NSD3: variants seen among roughly 807,000 people sequenced by gnomAD.
The protein encoded by NSD3 is nuclear receptor binding SET domain protein 3.
In NSD3, 24 loss-of-function variants were observed where a neutral mutation model predicts 160.8. The ratio of observed to expected loss-of-function variants is 0.15; its 90% CI spans 0.11 to 0.21. The LOEUF (loss-of-function observed/expected upper bound fraction) is 0.21, where lower values mean the gene tolerates loss of function less well. NSD3 is among the 10% of genes least tolerant of loss of function. NSD3 has a pLI of 1.00. For missense variants in NSD3, 1,157 were observed against 1,735.9 expected (o/e 0.67, Z 5.93); for synonymous variants, 520 against 600.0 (o/e 0.87, Z 1.95).
chr8:38,365,342 C>G (rs909815349), intron 1 of NSD3, among the ~76,000 whole-genome samples: 1 of 152,080 alleles, frequency 6.6e-6, no homozygotes, highest in Admixed American at 6.6e-5. Context: ...TAACTATGTA[C>G]CAGACCCTGT....
chr8:38,353,612 C>G (rs764796512), intron 1 of NSD3, among the ~76,000 whole-genome samples: 1 of 152,122 alleles, frequency 6.6e-6, no homozygotes, highest in Non-Finnish European at 1.5e-5. Flanking sequence ...TTCCTGTCTT[C>G]TCTAGCCCTA....
In NSD3 at chr8:38,316,894, C is replaced by T; in HGVS notation, c.1856-852G>A. 1 of 1,062,820 alleles carries T rather than the reference C, an allele frequency of 9.4e-7. No individual in the cohort carries two copies. Among genetic ancestry groups the T allele is most frequent in the South Asian group, 4.6e-5 (1 of 21,954 alleles). 65.8% of individuals were successfully genotyped at this position (1,062,820 alleles called of 1,614,324 possible). A position where few individuals can be genotyped will look rare whatever the true frequency, so the allele number is the denominator to read the frequency against. ...AAAGCAACAATCTCTTGGGCTAATG[C>T]AGTATAGGCTATACAGAAACAGCCA... On this transcript the variant is annotated intron_variant, in intron 9 of 23. Coordinates refer to ENST00000317025, the MANE Select transcript of NSD3 (RefSeq NM_023034.2). The surrounding 1 kb of genome is among the most constrained non-coding windows in gnomAD (Gnocchi z 4.5).
intron 3 of NSD3, among the ~76,000 whole-genome samples, chr8:38,337,929 T>C (rs936193721): frequency 2.6e-5 from 4 of 152,228 alleles, no homozygotes; most frequent in Middle Eastern, 3.4e-3. Flanking sequence ...GGAGGAAAAA[T>C]ATTAATAAGC....
intron 2 of NSD3, among the ~76,000 whole-genome samples, chr8:38,346,960 T>C (rs955441516): frequency 1.3e-5 from 2 of 152,152 alleles, no homozygotes; most frequent in Non-Finnish European, 2.9e-5. Context: ...TATTAAAAAA[T>C]TCAGCAGCAT....
At chr8:38,345,823 T>C (rs62503955) in intron 2 of NSD3, among the ~76,000 whole-genome samples, 2 of 151,652 alleles carry the variant, frequency 1.3e-5, no homozygotes, top group Non-Finnish European at 2.9e-5. Context: ...GCAGGAGAAT[T>C]GCTTGAACCC....
At chr8:38,342,684 C>T (rs1356632123) in intron 2 of NSD3, among the ~76,000 whole-genome samples, 1 of 151,850 alleles carries the variant, frequency 6.6e-6, no homozygotes, top group Non-Finnish European at 1.5e-5. Context: ...TCTCCTGCCT[C>T]AGCCTCCCAA....
chr8:38,376,695 G>A (rs1248495653), intron 1 of NSD3, among the ~76,000 whole-genome samples: 3 of 151,988 alleles, frequency 2.0e-5, no homozygotes, highest in African/African-American at 7.2e-5. Flanking sequence ...CCTTGGCCCC[G>A]CAAAGTGCTG....
rs1335088095 is a variant in NSD3 at position 38,271,207 on chromosome 8, G to A, written c.*4434C>T. ...TTGCAGAACTTCACCTTTAATCCAC[G>A]CTAAAGAGGATAAGAGACTAGGCTA... On this transcript the variant is annotated 3_prime_UTR_variant, in exon 24 of 24. Coordinates refer to ENST00000317025, the MANE Select transcript of NSD3 (RefSeq NM_023034.2). The A allele has an allele frequency of 6.6e-6, 1 of 152,084 alleles. No individual in the cohort carries two copies. Among genetic ancestry groups the A allele is most frequent in the East Asian group, 1.9e-4 (1 of 5,188 alleles). 9.4% of individuals were successfully genotyped at this position (152,084 alleles called of 1,614,324 possible). A position where few individuals can be genotyped will look rare whatever the true frequency, so the allele number is the denominator to read the frequency against.
At chr8:38,291,168 C>T (rs942886999) in intron 16 of NSD3, among the ~76,000 whole-genome samples, 19 of 152,202 alleles carry the variant, frequency 1.2e-4, no homozygotes, top group African/African-American at 4.6e-4. Context: ...GCAAACACCT[C>T]TTGGTCAAAT....
rs1195062883 is a variant in NSD3 at position 38,331,320 on chromosome 8, G to T, written c.1065+111C>A. ...ATTACGATTAAAACAGCTGAAAGGG[G>T]TTTAAAAAAAGGATTCTAATAATTA... On this transcript the variant is annotated intron_variant, in intron 5 of 23. Transcript: ENST00000317025. The T allele has an allele frequency of 7.9e-6, 10 of 1,268,360 alleles. No homozygotes were observed. In the African/African-American group the frequency reaches 1.2e-4, roughly 15 times the overall value. 78.6% of individuals were successfully genotyped at this position (1,268,360 alleles called of 1,614,324 possible).
Position 38,337,375 on chromosome 8 carries a change from G to C in NSD3, c.840C>G (p.Thr280=). ...AAACCATACAAGGCCACCAAGGATAGGTTCCCACCTTGGACCACACAAGAT... is the reference window on the plus strand; with the variant it reads ...AAACCATACAAGGCCACCAAGGATACGTTCCCACCTTGGACCACACAAGAT... ...VGDLVWSKVG[T]YPWWPCMVSS... The change falls in exon 4 of 24, where the codon ACC becomes ACG. Residue 280 remains threonine, a synonymous_variant. Transcript: ENST00000317025. 6.2e-7 allele frequency: 1 copy of C among 1,612,290 alleles called. No individual in the cohort carries two copies. The highest frequency in any genetic ancestry group is 8.5e-7 in the Non-Finnish European group (1 of 1,179,330).
At chr8:38,353,511 T>A (rs899388847) in intron 1 of NSD3, among the ~76,000 whole-genome samples, 1 of 152,234 alleles carries the variant, frequency 6.6e-6, no homozygotes, top group African/African-American at 2.4e-5. Context: ...ATTATAGTCT[T>A]CAGGGTTTTT....
intron 15 of NSD3, among the ~76,000 whole-genome samples, chr8:38,296,652 CTCTT>C (rs1435635965): frequency 6.8e-6 from 1 of 146,960 alleles, no homozygotes; most frequent in Non-Finnish European, 1.5e-5. Flanking sequence ...CAAAAAACCT[CTCTT>C]TCTCTCTCTC....
intron 23 of NSD3, 143 bp from the exon 24 acceptor site, chr8:38,276,025 G>A (rs1808592654): frequency 1.2e-6 from 1 of 845,030 alleles, no homozygotes; most frequent in Non-Finnish European, 1.8e-6. Flanking sequence ...ACCAAACATA[G>A]ATCTGGGTGT....
At chr8:38,337,236 A>C in intron 4 of NSD3, 69 bp downstream of exon 4, 1 of 1,345,330 alleles carries the variant, frequency 7.4e-7, no homozygotes, top group Non-Finnish European at 9.9e-7. Context: ...TCTTATATTC[A>C]CATACAACAT....
Position 38,289,379 on chromosome 8 carries a change from A to C in NSD3, c.3231+14T>G. The stretch of plus-strand genomic sequence containing the variant: ...ATTTTATTTGGCAATCCCAGGCCAG[A>C]GATAAAGACTTACTTTGATGTGTTT... On this transcript the variant is annotated intron_variant, in intron 18 of 23. Transcript: ENST00000317025. 1 of 1,595,820 alleles carries C rather than the reference A, an allele frequency of 6.3e-7. No homozygotes were observed. Among genetic ancestry groups the C allele is most frequent in the Non-Finnish European group, 8.5e-7 (1 of 1,171,498 alleles).
chr8:38,307,692 A>AAC (rs1366577907), intron 12 of NSD3, among the ~76,000 whole-genome samples: 1 of 151,942 alleles, frequency 6.6e-6, no homozygotes, highest in Non-Finnish European at 1.5e-5. Context: ...TTTGTACTAA[A>AAC]ACACACACAC....
intron 12 of NSD3, among the ~76,000 whole-genome samples, chr8:38,312,931 G>A (rs374539082): frequency 6.6e-6 from 1 of 152,204 alleles, no homozygotes; most frequent in South Asian, 2.1e-4. Context: ...ATATATAAGT[G>A]ACTGGAATGA....
In NSD3 at chr8:38,337,538, T is replaced by C. The variant is rs1810251873; in HGVS notation, c.748-71A>G. Reference sequence around the variant, plus strand: ...AACTATGTATAAAGTACATTAAAAATGCTAACAATGTAATTTTATCTTCAG... The same window carrying C: ...AACTATGTATAAAGTACATTAAAAACGCTAACAATGTAATTTTATCTTCAG... On this transcript the variant is annotated intron_variant, in intron 3 of 23. Transcript: ENST00000317025. 5 of 1,287,356 alleles carry C rather than the reference T, an allele frequency of 3.9e-6. No homozygotes were observed. The East Asian group carries it at 1.4e-4, about 36-fold the overall frequency. 79.7% of individuals were successfully genotyped at this position (1,287,356 alleles called of 1,614,324 possible).
Sources: gnomAD v4.1 joint callset for allele counts (sites outside exome capture counted in the v4.1 genomes callset) on GRCh38, gnomAD v4.1.1 for gene constraint, Gnocchi (gnomAD v3.1) non-coding constraint, MANE v1.5 for transcripts, NCBI Gene and HGNC (gene_info 2026-07-23, HGNC 2026-07-21) for gene names.